ITSN2: variants seen among roughly 807,000 people sequenced by gnomAD.
ITSN2 encodes intersectin-2.
Under a neutral mutation model 243.7 loss-of-function variants are expected in ITSN2, and 156 were observed. That is an observed-to-expected ratio of 0.64 (90% CI 0.56 to 0.73). The LOEUF (loss-of-function observed/expected upper bound fraction) is 0.73. Among genes scored for constraint, ITSN2 ranks in the 30% least tolerant of loss-of-function variants. The pLI, the probability that ITSN2 is intolerant of heterozygous loss-of-function variation, is 0.00. For synonymous variants in ITSN2, 703 were observed against 699.9 expected, an observed-to-expected ratio of 1.00 and a Z score of -0.07; for missense variants, 1,801 against 1,996.1, an observed-to-expected ratio of 0.90 and a Z score of 1.86.
chr2:24,286,485 A>ACT, intron 15 of ITSN2, 134 bp from the exon 16 acceptor site: 1 of 624,704 alleles, frequency 1.6e-6, no homozygotes, highest in Non-Finnish European at 2.8e-6. Context: ...GACCAGTACA[A>ACT]GAGAAAACAT....
At chr2:24,210,097 G>A in intron 34 of ITSN2, 64 bp from the exon 35 acceptor site, 1 of 1,211,060 alleles carries the variant, frequency 8.3e-7, no homozygotes, top group Non-Finnish European at 1.2e-6. Flanking sequence ...CCCCTGAGAG[G>A]CCAGTGCCCT....
intron 1 of ITSN2, among the ~76,000 whole-genome samples, chr2:24,346,359 T>C (rs1687528428): frequency 6.6e-6 from 1 of 152,164 alleles, no homozygotes; most frequent in Non-Finnish European, 1.5e-5. Flanking sequence ...CAAATTCCAA[T>C]ATACTTACAA....
At chr2:24,334,734 C>T in intron 1 of ITSN2, 2 of 1,585,390 alleles carry the variant, frequency 1.3e-6, no homozygotes, top group Non-Finnish European at 1.7e-6. Flanking sequence ...TGCGTTGAGC[C>T]CAACTGCAGA....
In ITSN2 at chr2:24,246,788, C is replaced by A. The variant is rs373226969; in HGVS notation, c.3385+9G>T. The stretch of plus-strand genomic sequence containing the variant: ...CTAAAATGAAATACAAATTAACCCA[C>A]TTCCATACCAGGATGAAAGGCAGGT... On this transcript the variant is annotated intron_variant, in intron 28 of 39. Coordinates refer to ENST00000355123, the MANE Select transcript of ITSN2 (RefSeq NM_006277.3). 1.3e-6 allele frequency: 2 copies of A among 1,537,398 alleles called. No individual in the cohort carries two copies. Among genetic ancestry groups the A allele is most frequent in the Non-Finnish European group, 1.8e-6 (2 of 1,115,316 alleles).
At position 24,211,216 on chromosome 2, in the gene ITSN2, C is replaced by T. The variant is rs933323394; in HGVS notation, c.4090-269G>A. ...ACTGTGTGGGTCTCTGGTTGCTCTC[C>T]GACTGGCTCCCGGTAATAGGCGGGA... On this transcript the variant is annotated intron_variant, in intron 33 of 39. Coordinates refer to ENST00000355123, the MANE Select transcript of ITSN2 (RefSeq NM_006277.3). This position sits in a 1 kb window ranked among gnomAD's most constrained non-coding sequence, Gnocchi z 4.1. Among the ~76,000 whole-genome samples the T allele has an allele frequency of 6.6e-6, 1 of 151,906 alleles. No homozygotes were observed. The highest frequency in any genetic ancestry group is 1.5e-5 in the Non-Finnish European group (1 of 67,960).
At chr2:24,336,549 A>G (rs937397704) in intron 1 of ITSN2, among the ~76,000 whole-genome samples, 1 of 152,156 alleles carries the variant, frequency 6.6e-6, no homozygotes, top group Admixed American at 6.5e-5. Context: ...TTTTTGAAAC[A>G]GTAACTTTTG....
intron 31 of ITSN2, among the ~76,000 whole-genome samples, chr2:24,217,607 A>C (rs1352127684): frequency 1.3e-5 from 2 of 152,070 alleles, no homozygotes; most frequent in Admixed American, 1.3e-4. Flanking sequence ...CTCTCCTCTG[A>C]CTCTTCTGCC....
intron 30 of ITSN2, among the ~76,000 whole-genome samples, chr2:24,218,840 T>C (rs1356648220): frequency 6.6e-6 from 1 of 152,172 alleles, no homozygotes; most frequent in Non-Finnish European, 1.5e-5. Flanking sequence ...CTTAAGGAAA[T>C]AGAGAAGTTA....
chr2:24,315,334 TTGAG>T, intron 2 of ITSN2, 110 bp from the exon 3 acceptor site: 1 of 594,984 alleles, frequency 1.7e-6, no homozygotes, highest in Non-Finnish European at 3.0e-6. Flanking sequence ...TATTTAATAT[TTGAG>T]TGACACAAAG....
At chr2:24,208,568 T>C (rs771165254) in intron 36 of ITSN2, among the ~76,000 whole-genome samples, 1 of 152,174 alleles carries the variant, frequency 6.6e-6, no homozygotes, top group African/African-American at 2.4e-5. Flanking sequence ...AGACAGATGA[T>C]GCATTGGCCC....
chr2:24,271,389 TAAA>T (rs1182399240), intron 19 of ITSN2, among the ~76,000 whole-genome samples: 1 of 152,222 alleles, frequency 6.6e-6, no homozygotes, highest in Non-Finnish European at 1.5e-5. Context: ...ACAATACTAC[TAAA>T]AGTATTGTGG....
At chr2:24,317,804 A>T (rs1684101797) in intron 2 of ITSN2, among the ~76,000 whole-genome samples, 1 of 152,230 alleles carries the variant, frequency 6.6e-6, no homozygotes, top group Non-Finnish European at 1.5e-5. Context: ...ACTGCATGCC[A>T]AACTGTGACT....
intron 1 of ITSN2, among the ~76,000 whole-genome samples, chr2:24,337,319 T>TATATATATATACATAC (rs1336561913): frequency 3.9e-4 from 26 of 66,952 alleles, no homozygotes; most frequent in Admixed American, 1.4e-3. Context: ...ACACAAAATA[T>TATATATATATACATAC]ATATATATAT....
chr2:24,278,637 T>C (rs983150627), intron 17 of ITSN2, among the ~76,000 whole-genome samples: 2 of 151,314 alleles, frequency 1.3e-5, no homozygotes, highest in African/African-American at 4.9e-5. Context: ...TTAAGAGTTG[T>C]TCTCAATCTT....
intron 17 of ITSN2, among the ~76,000 whole-genome samples, chr2:24,277,565 A>C (rs2151496165): frequency 6.6e-6 from 1 of 152,354 alleles, no homozygotes; most frequent in Non-Finnish European, 1.5e-5. Context: ...AAGCAGAAGA[A>C]TATAGTGGTT....
chr2:24,292,934 A>C (rs1156598277), intron 15 of ITSN2, among the ~76,000 whole-genome samples: 2 of 152,230 alleles, frequency 1.3e-5, no homozygotes, highest in African/African-American at 4.8e-5. Context: ...TAATAAAGAG[A>C]CCTACAATGG....
chr2:24,237,977 T>C (rs1221383609), intron 29 of ITSN2, among the ~76,000 whole-genome samples: 1 of 152,186 alleles, frequency 6.6e-6, no homozygotes, highest in Non-Finnish European at 1.5e-5. Context: ...ATTTCCATTC[T>C]GACGATACTG....
At chr2:24,352,482 T>C (rs1245012507) in intron 1 of ITSN2, among the ~76,000 whole-genome samples, 1 of 152,170 alleles carries the variant, frequency 6.6e-6, no homozygotes, top group Non-Finnish European at 1.5e-5. Context: ...ATCATTTCTA[T>C]CTAGAGGCTT....
chr2:24,220,750 C>A, intron 30 of ITSN2, 195 bp downstream of exon 30: 11 of 1,389,990 alleles, frequency 7.9e-6, no homozygotes, highest in Non-Finnish European at 9.3e-6. Flanking sequence ...TAGAGACTTT[C>A]AATCTCAAGC....
Sources: gnomAD v4.1 joint callset for allele counts (sites outside exome capture counted in the v4.1 genomes callset) on GRCh38, gnomAD v4.1.1 for gene constraint, Gnocchi (gnomAD v3.1) non-coding constraint, MANE v1.5 for transcripts, NCBI Gene and HGNC (gene_info 2026-07-23, HGNC 2026-07-21) for gene names.